Variants in BNC2 observed in about 807,000 individuals in gnomAD.
BNC2 encodes the protein basonuclin zinc finger protein 2.
Under a neutral mutation model 76.3 loss-of-function variants are expected in BNC2, and 20 were observed. The ratio of observed to expected loss-of-function variants is 0.26; its 90% CI spans 0.18 to 0.38. The LOEUF is 0.38. Ranked by LOEUF, BNC2 falls within the 10% of genes least tolerant of loss-of-function variation. The pLI is 1.00. For synonymous variants in BNC2, 582 were observed against 514.8 expected, an observed-to-expected ratio of 1.13 and a Z score of -1.77; for missense variants, 1,382 against 1,399.8, an observed-to-expected ratio of 0.99 and a Z score of 0.20.
chr9:16,564,920 C>T (rs138103984), intron 4 of BNC2, among the ~76,000 whole-genome samples: 100 of 152,134 alleles, frequency 6.6e-4, no homozygotes, highest in Non-Finnish European at 1.1e-3. Flanking sequence ...TTATCTAGCA[C>T]GAACATTCAA....
At chr9:16,598,540 C>T (rs1229572218) in intron 3 of BNC2, among the ~76,000 whole-genome samples, 1 of 152,132 alleles carries the variant, frequency 6.6e-6, no homozygotes, top group Non-Finnish European at 1.5e-5. Context: ...TTGGCTGTGG[C>T]AGAATGAACT....
At position 16,706,337 on chromosome 9, in the gene BNC2, C is replaced by A. The variant is rs1823672254; in HGVS notation, c.330+21460G>T. Among the ~76,000 whole-genome samples, 3 of 152,188 alleles carry A rather than the reference C, an allele frequency of 2.0e-5. No homozygotes were observed. In the South Asian group the frequency reaches 6.2e-4, roughly 32 times the overall value. On this transcript the variant is annotated intron_variant, in intron 3 of 6. Coordinates refer to ENST00000380672, the MANE Select transcript of BNC2 (RefSeq NM_017637.6). Reference sequence around the variant, plus strand: ...GTCCAATTGTTTTATTATTCCTCTTCTCTACTGTAGTCATAGGCAATTCTA... The same window carrying A: ...GTCCAATTGTTTTATTATTCCTCTTATCTACTGTAGTCATAGGCAATTCTA...
At chr9:16,811,489 T>C (rs1430308382) in intron 1 of BNC2, among the ~76,000 whole-genome samples, 2 of 138,154 alleles carry the variant, frequency 1.4e-5, no homozygotes, top group East Asian at 2.0e-4. Flanking sequence ...GAGACGGAGG[T>C]TGCGGTGAGC....
At chr9:16,811,092 C>T (rs1403522542) in intron 1 of BNC2, among the ~76,000 whole-genome samples, 1 of 151,894 alleles carries the variant, frequency 6.6e-6, no homozygotes, top group Non-Finnish European at 1.5e-5. Flanking sequence ...GTGGCGGGCG[C>T]CTGTAGTCCC....
At chr9:16,813,709 C>G (rs1406076733) in intron 1 of BNC2, among the ~76,000 whole-genome samples, 1 of 152,172 alleles carries the variant, frequency 6.6e-6, no homozygotes, top group Admixed American at 6.5e-5. Flanking sequence ...AAAGCAAACT[C>G]ATTTTCTTGC....
chr9:16,447,804 A>G (rs1248563853), intron 5 of BNC2, among the ~76,000 whole-genome samples: 2 of 152,110 alleles, frequency 1.3e-5, no homozygotes, highest in Non-Finnish European at 2.9e-5. Context: ...TAAATGTTAT[A>G]TATCAAAAAA....
At chr9:16,858,529 G>C (rs764956959) in intron 1 of BNC2, among the ~76,000 whole-genome samples, 17 of 152,170 alleles carry the variant, frequency 1.1e-4, no homozygotes, top group Non-Finnish European at 2.1e-4. Flanking sequence ...AGCAAGAATA[G>C]ACAAATGGAA....
rs34855187 is a variant in BNC2, at chr9:16,463,294, C to CTTTTTTTTTTTTTTT, written c.670-25785_670-25771dup. Among the ~76,000 whole-genome samples the CTTTTTTTTTTTTTTT allele has an allele frequency of 1.5e-4, 16 of 105,604 alleles. 1 individual carries two copies. The highest frequency in any genetic ancestry group is 5.5e-4 in the African/African-American group (13 of 23,524). 69.3% of individuals were successfully genotyped at this position (105,604 alleles called of 152,430 possible). On this transcript the variant is annotated intron_variant, in intron 5 of 6. Coordinates refer to ENST00000380672, the MANE Select transcript of BNC2 (RefSeq NM_017637.6). ...ACTGTGAGCATACAAGTATTAAATT[C>CTTTTTTTTTTTTTTT]TTTTTTTTTTTTTTTTTTTTGAGAC...
intron 3 of BNC2, among the ~76,000 whole-genome samples, chr9:16,620,823 A>G (rs1264501393): frequency 1.3e-5 from 2 of 152,242 alleles, no homozygotes; most frequent in African/African-American, 4.8e-5. Context: ...GCAGGATTAC[A>G]GTAAGAACAC....
intron 6 of BNC2, among the ~76,000 whole-genome samples, chr9:16,423,342 T>C (rs1372384116): frequency 6.6e-6 from 1 of 152,142 alleles, no homozygotes; most frequent in Admixed American, 6.5e-5. Context: ...AAGAAAGATA[T>C]ATGGAAGGAA....
At chr9:16,696,054 G>A (rs1823328912) in intron 3 of BNC2, among the ~76,000 whole-genome samples, 1 of 152,026 alleles carries the variant, frequency 6.6e-6, no homozygotes, top group African/African-American at 2.4e-5. Context: ...AATCCCCTCA[G>A]CTGTCCCCCA....
chr9:16,678,355 T>C (rs1455982013), intron 3 of BNC2, among the ~76,000 whole-genome samples: 1 of 135,352 alleles, frequency 7.4e-6, no homozygotes, highest in African/African-American at 2.7e-5. Context: ...CTCGGCTCAC[T>C]GCAGCCTCTG....
intron 1 of BNC2, among the ~76,000 whole-genome samples, chr9:16,794,152 T>G (rs569472362): frequency 6.6e-6 from 1 of 152,114 alleles, no homozygotes; most frequent in African/African-American, 2.4e-5. Context: ...GGTATTGTCC[T>G]CAGGCTGGCC....
intron 4 of BNC2, among the ~76,000 whole-genome samples, chr9:16,558,819 C>T (rs1019056264): frequency 8.6e-5 from 13 of 151,548 alleles, no homozygotes; most frequent in African/African-American, 2.9e-4. Flanking sequence ...GTCCCAGCTA[C>T]TCTACTCAGG....
rs142882197 is a variant in BNC2, at chr9:16,667,015, G to C, written c.330+60782C>G. 8.9e-4 allele frequency among the ~76,000 whole-genome samples: 135 copies of C among 151,688 alleles called. 1 individual carries two copies. Among genetic ancestry groups the C allele is most frequent in the Admixed American group, 7.8e-3 (118 of 15,204 alleles). ...TTAAAACCAATAAAGAACACTGTAG[G>C]CTTCCTATTTCCACTAAAAAGCTAA... On this transcript the variant is annotated intron_variant, in intron 3 of 6. Transcript: ENST00000380672.
At chr9:16,480,970 C>G (rs1297883882) in intron 5 of BNC2, among the ~76,000 whole-genome samples, 2 of 152,202 alleles carry the variant, frequency 1.3e-5, no homozygotes, top group East Asian at 3.9e-4. Context: ...AGCTGGGCTC[C>G]TGAGTCTGGT....
At chr9:16,628,440 C>T (rs1272709788) in intron 3 of BNC2, among the ~76,000 whole-genome samples, 1 of 152,136 alleles carries the variant, frequency 6.6e-6, no homozygotes, top group Non-Finnish European at 1.5e-5. Context: ...CGTGAGAGGT[C>T]AATTAAAGGA....
rs368939109 is a variant in BNC2 at position 16,815,117 on chromosome 9, C to A, written c.3+55529G>T. On this transcript the variant is annotated intron_variant, in intron 1 of 6. Transcript: ENST00000380672. ...GACCAGCCTTTGAAAAGCAGCTGCC[C>A]AAATTAAAGGACTTAATTAAGAAGT... Among the ~76,000 whole-genome samples the A allele has an allele frequency of 4.5e-3, 685 of 152,020 alleles. 5 individuals carry two copies. Among genetic ancestry groups the A allele is most frequent in the African/African-American group, 0.015 (604 of 41,440 alleles).
At chr9:16,677,536 G>A (rs1822683815) in intron 3 of BNC2, among the ~76,000 whole-genome samples, 1 of 150,044 alleles carries the variant, frequency 6.7e-6, no homozygotes, top group Non-Finnish European at 1.5e-5. Context: ...TCGCGCCACT[G>A]CACTCCAGCC....
Sources: gnomAD v4.1 joint callset for allele counts (sites outside exome capture counted in the v4.1 genomes callset) on GRCh38, gnomAD v4.1.1 for gene constraint, MANE v1.5 for transcripts, NCBI Gene and HGNC (gene_info 2026-07-23, HGNC 2026-07-21) for gene names.